TRMT9B: variants seen among roughly 807,000 people sequenced by gnomAD.
The protein encoded by TRMT9B is probable tRNA methyltransferase 9B.
A neutral mutation model predicts 11.5 loss-of-function variants in TRMT9B; 16 were observed. That is an observed-to-expected ratio of 1.39 (90% CI 0.94 to 2.11). The LOEUF (loss-of-function observed/expected upper bound fraction) is 2.11. TRMT9B is among the 30% of genes most tolerant of loss of function. The probability of loss-of-function intolerance (pLI) is 0.00; values close to 1 mark genes in which losing one functional copy is unlikely to be tolerated. For missense variants in TRMT9B, 941 were observed against 553.8 expected, an observed-to-expected ratio of 1.70 and a Z score of -7.02; for synonymous variants, 274 against 192.4, an observed-to-expected ratio of 1.42 and a Z score of -3.51.
rs2128907593 is a variant in TRMT9B, at chr8:13,028,381, A to C, written c.*6337A>C. 6.0e-6 allele frequency: 1 copy of C among 167,116 alleles called. No individual in the cohort carries two copies. The highest frequency in any genetic ancestry group is 1.9e-4 in the East Asian group (1 of 5,174). 10.4% of individuals were successfully genotyped at this position (167,116 alleles called of 1,614,324 possible). On this transcript the variant is annotated 3_prime_UTR_variant, in exon 5 of 5. Coordinates refer to ENST00000524591, the MANE Select transcript of TRMT9B (RefSeq NM_020844.3). ...AACCCAATTAATCATTAATACATCCACAGGAAAAATACATTTTCTCCACAT... is the reference window on the plus strand; with the variant it reads ...AACCCAATTAATCATTAATACATCCCCAGGAAAAATACATTTTCTCCACAT...
At chr8:12,961,790 C>A (rs1468011324) in intron 1 of TRMT9B, 1 of 151,840 alleles carries the variant, frequency 6.6e-6, no homozygotes, top group Non-Finnish European at 1.5e-5. Context: ...AGCTCCAAGT[C>A]AAAAGAATTA....
At chr8:12,957,851 T>G (rs977896381) in intron 1 of TRMT9B, among the ~76,000 whole-genome samples, 1 of 152,236 alleles carries the variant, frequency 6.6e-6, no homozygotes, top group African/African-American at 2.4e-5. Flanking sequence ...GTGACATTTA[T>G]TTTCACATTG....
chr8:12,972,706 A>G (rs1803830221), intron 1 of TRMT9B, among the ~76,000 whole-genome samples: 1 of 152,168 alleles, frequency 6.6e-6, no homozygotes, highest in Non-Finnish European at 1.5e-5. Flanking sequence ...CAATGGCTTG[A>G]TAACAGGCAT....
In TRMT9B at chr8:13,021,529, G is replaced by C. The variant is rs776320759; in HGVS notation, c.850G>C (p.Val284Leu). Residue 284 changes from valine to leucine, a missense_variant, in exon 5 of 5, where the codon GTC becomes CTC. Val to Leu is a conservative substitution (Grantham distance 32, BLOSUM62 1). Coordinates refer to ENST00000524591, the MANE Select transcript of TRMT9B (RefSeq NM_020844.3). ...TEVWASSTVT[V>L]QPSRHSSLDF... ...AGTTTGGGCCAGTAGCACTGTAACA[G>C]TCCAGCCTTCCAGACACTCTAGTTT... is the stretch of plus-strand genomic sequence containing the variant. The C allele has an allele frequency of 1.2e-6, 2 of 1,613,896 alleles. No homozygotes were observed.
chr8:12,992,792 C>A (rs1036760876), intron 2 of TRMT9B, among the ~76,000 whole-genome samples: 1 of 152,098 alleles, frequency 6.6e-6, no homozygotes, highest in African/African-American at 2.4e-5. Flanking sequence ...TTGCTTGAAT[C>A]TGGGAGGCAG....
chr8:13,024,319 A>G lies in TRMT9B; in HGVS notation c.*2275A>G, dbSNP rs1306325036. The G allele has an allele frequency of 6.0e-6, 1 of 166,506 alleles. No individual in the cohort carries two copies. The highest frequency in any genetic ancestry group is 2.4e-5 in the African/African-American group (1 of 41,572). 10.3% of individuals were successfully genotyped at this position (166,506 alleles called of 1,614,324 possible). ...CGGCCCCCCACAGTGCTGGGATTAC[A>G]GGCGTGAGCCACCGCGCCCGGCCTG... is the stretch of plus-strand genomic sequence containing the variant. On this transcript the variant is annotated 3_prime_UTR_variant, in exon 5 of 5. Transcript: ENST00000524591.
intron 3 of TRMT9B, among the ~76,000 whole-genome samples, chr8:13,008,035 A>G (rs1810825106): frequency 6.6e-6 from 1 of 152,246 alleles, no homozygotes. Flanking sequence ...CAAATACTGA[A>G]TCATTGTTTT....
In TRMT9B at chr8:12,978,984, C is replaced by G. The variant is rs540330980; in HGVS notation, c.-199-11850C>G. Among the ~76,000 whole-genome samples, 3 of 152,226 alleles carry G rather than the reference C, an allele frequency of 2.0e-5. No homozygotes were observed. The East Asian group carries it at 5.8e-4, about 29-fold the overall frequency. ...GGCTGTAAATCTTCTGGTGTGTAAA[C>G]CTTCTGGGTTTGACTTTGTAATATT... On this transcript the variant is annotated intron_variant, in intron 1 of 4. Coordinates refer to ENST00000524591, the MANE Select transcript of TRMT9B (RefSeq NM_020844.3).
At position 13,024,939 on chromosome 8, in the gene TRMT9B, T is replaced by A. The variant is rs1305528251; in HGVS notation, c.*2895T>A. 6.0e-6 allele frequency: 1 copy of A among 167,218 alleles called. No individual in the cohort carries two copies. The allele number at this position is 167,218 out of a possible 1,614,324, so 10.4% of individuals were successfully genotyped here. A position where few individuals can be genotyped will look rare whatever the true frequency, so the allele number is the denominator to read the frequency against. ...AAAAGCCATTGAAGAGCAAAACTAA[T>A]GTAAACGTCTTGATCATTTAAAAAG... On this transcript the variant is annotated 3_prime_UTR_variant, in exon 5 of 5. Transcript: ENST00000524591.
intron 3 of TRMT9B, chr8:13,010,334 A>G (rs1041911154): frequency 1.0e-6 from 1 of 968,032 alleles, no homozygotes; most frequent in Non-Finnish European, 1.2e-6. Context: ...AATTGAAGTT[A>G]AAGAAGAAAG....
Position 13,012,718 on chromosome 8 carries a change from C to T in TRMT9B, c.189C>T (p.Ser63=). 6.2e-7 allele frequency: 1 copy of T among 1,613,948 alleles called. No homozygotes were observed. Residue 63 remains serine (S), a synonymous_variant, in exon 4 of 5, where the codon AGC becomes AGT. Coordinates refer to ENST00000524591, the MANE Select transcript of TRMT9B (RefSeq NM_020844.3). ...CTGGAAAATATCTTAAAGTGAACAG[C>T]CAGGTACATACCGTGGGCTGTGACT... ...CGTGKYLKVN[S]QVHTVGCDYC...
At chr8:12,968,054 C>A (rs1226102197) in intron 1 of TRMT9B, among the ~76,000 whole-genome samples, 1 of 152,128 alleles carries the variant, frequency 6.6e-6, no homozygotes, top group African/African-American at 2.4e-5. Context: ...CCAGCTAATT[C>A]TTGCATTTTT....
chr8:13,027,147 G>A lies in TRMT9B; in HGVS notation c.*5103G>A, dbSNP rs1002732327. On this transcript the variant is annotated 3_prime_UTR_variant, in exon 5 of 5. Coordinates refer to ENST00000524591, the MANE Select transcript of TRMT9B (RefSeq NM_020844.3). ...TCACTCCATTTGTTTACTAAGCCCT[G>A]CTGTGTGCTGGATACACAGTCTGCT... is the stretch of plus-strand genomic sequence containing the variant. 2 of 166,984 alleles carry A rather than the reference G, an allele frequency of 1.2e-5. No homozygotes were observed. Among genetic ancestry groups the A allele is most frequent in the Non-Finnish European group, 2.9e-5 (2 of 68,102 alleles). 10.3% of individuals were successfully genotyped at this position (166,984 alleles called of 1,614,324 possible). A position where few individuals can be genotyped will look rare whatever the true frequency, so the allele number is the denominator to read the frequency against.
chr8:13,021,382 G>A lies in TRMT9B; in HGVS notation c.703G>A (p.Glu235Lys), dbSNP rs1309096848. 6.2e-7 allele frequency: 1 copy of A among 1,614,036 alleles called. No individual in the cohort carries two copies. Among genetic ancestry groups the A allele is most frequent in the East Asian group, 2.2e-5 (1 of 44,884 alleles). Residue 235 changes from glutamate (E) to lysine (K), a missense_variant, in exon 5 of 5, where the codon GAA becomes AAA. By Grantham distance (56) the Glu-to-Lys change is moderately conservative (BLOSUM62 1). Coordinates refer to ENST00000524591, the MANE Select transcript of TRMT9B (RefSeq NM_020844.3). The part of the protein sequence containing the change: ...CFANISKEGE[E>K]EYGFYSTLGK... Reference sequence around the variant, plus strand: ...TGCAAATATTTCTAAGGAAGGCGAGGAAGAATATGGATTTTACAGCACATT... The same window carrying A: ...TGCAAATATTTCTAAGGAAGGCGAGAAAGAATATGGATTTTACAGCACATT...
At chr8:13,006,072 A>T in intron 2 of TRMT9B, 130 bp from the exon 3 acceptor site, 2 of 796,704 alleles carry the variant, frequency 2.5e-6, no homozygotes. Flanking sequence ...TTTGCAGCTT[A>T]TAAGAAAGTG....
Position 12,995,713 on chromosome 8 carries a change from T to C in TRMT9B, c.-2+4682T>C, listed in dbSNP as rs1808218713. Among the ~76,000 whole-genome samples, 3 of 152,224 alleles carry C rather than the reference T, an allele frequency of 2.0e-5. No homozygotes were observed. In the South Asian group the frequency reaches 6.2e-4, roughly 32 times the overall value. On this transcript the variant is annotated intron_variant, in intron 2 of 4. Coordinates refer to ENST00000524591, the MANE Select transcript of TRMT9B (RefSeq NM_020844.3). ...TTTTGGGAGGGAACACTGATTCATC[T>C]ATTAGTTGTGTGTGTTTCGGGAGAT... is the stretch of plus-strand genomic sequence containing the variant.
At chr8:12,954,474 G>C (rs1276454864) in intron 1 of TRMT9B, among the ~76,000 whole-genome samples, 1 of 152,158 alleles carries the variant, frequency 6.6e-6, no homozygotes, top group African/African-American at 2.4e-5. Context: ...ACATGTCACT[G>C]TTCTCATTTG....
intron 1 of TRMT9B, among the ~76,000 whole-genome samples, chr8:12,987,856 T>G (rs1325721244): frequency 2.0e-5 from 3 of 152,184 alleles, no homozygotes; most frequent in African/African-American, 7.2e-5. Context: ...TTCATGATGG[T>G]GTGCCAACTG....
chr8:13,021,795 T>A lies in TRMT9B; in HGVS notation c.1116T>A (p.Ala372=), dbSNP rs370063027. The A allele has an allele frequency of 1.2e-6, 2 of 1,613,686 alleles. No individual in the cohort carries two copies. The highest frequency in any genetic ancestry group is 1.7e-6 in the Non-Finnish European group (2 of 1,179,780). The change falls in exon 5 of 5, where the codon GCT becomes GCA. Residue 372 remains alanine (A), a synonymous_variant. Coordinates refer to ENST00000524591, the MANE Select transcript of TRMT9B (RefSeq NM_020844.3). ...ACATAGAAGATGATAATCCTTCTGC[T>A]AGTAAAATATTGAGAAGGATTTCTG... ...AGNIEDDNPS[A]SKILRRISAV...
Sources: allele counts gnomAD v4.1 joint callset (sites outside exome capture counted in the v4.1 genomes callset), GRCh38; gene constraint gnomAD v4.1.1; transcripts MANE v1.5; gene names NCBI Gene and HGNC (gene_info 2026-07-23, HGNC 2026-07-21).